The following MYT1L variants were observed in gnomAD, a reference collection of about 807,000 sequenced individuals.
The protein encoded by MYT1L is myelin transcription factor 1-like protein.
A neutral mutation model predicts 126.7 loss-of-function variants in MYT1L; 12 were observed. The observed-to-expected ratio is 0.09, with a 90% CI of 0.06 to 0.15. The LOEUF (loss-of-function observed/expected upper bound fraction) is 0.15. Ranked by LOEUF, MYT1L falls within the 10% of genes least tolerant of loss-of-function variation. MYT1L has a pLI of 1.00. For synonymous variants in MYT1L, 541 were observed against 604.2 expected (o/e 0.90, Z 1.53); for missense variants, 979 against 1,585.2 (o/e 0.62, Z 6.49).
At position 1,961,429 on chromosome 2, in the gene MYT1L, G is replaced by A. The variant is rs532398973; in HGVS notation, c.152+17736C>T. Among the ~76,000 whole-genome samples the A allele has an allele frequency of 1.3e-5, 2 of 152,326 alleles. 1 individual carries two copies. The highest frequency in any genetic ancestry group is 3.9e-4 in the East Asian group (2 of 5,186). On this transcript the variant is annotated intron_variant, in intron 8 of 24. Transcript: ENST00000647738. The stretch of plus-strand genomic sequence containing the variant: ...CATGCAAGATCACCTGTGCCACAGT[G>A]AGCTGTATCTGTCCCTGGTTAGCCT...
At chr2:1,940,327 C>T (rs1009266158) in intron 9 of MYT1L, among the ~76,000 whole-genome samples, 17 of 149,602 alleles carry the variant, frequency 1.1e-4, no homozygotes, top group Non-Finnish European at 1.8e-4. Flanking sequence ...ACTGGGTGCA[C>T]CTGTCTCACA....
At chr2:2,250,161 C>T (rs571591556) in intron 2 of MYT1L, among the ~76,000 whole-genome samples, 17 of 152,184 alleles carry the variant, frequency 1.1e-4, no homozygotes, top group African/African-American at 3.4e-4. Flanking sequence ...TTCAGCACTC[C>T]CATTGCTAGT....
intron 4 of MYT1L, among the ~76,000 whole-genome samples, chr2:2,024,321 AC>A (rs1376812483): frequency 6.6e-6 from 1 of 152,232 alleles, no homozygotes; most frequent in Non-Finnish European, 1.5e-5. Flanking sequence ...AATTAAAAAA[AC>A]AAACAAAATA....
chr2:2,065,655 T>G (rs1332939300), intron 3 of MYT1L, among the ~76,000 whole-genome samples: 1 of 152,208 alleles, frequency 6.6e-6, no homozygotes, highest in African/African-American at 2.4e-5. Context: ...TTCCTTGCAA[T>G]GAGTTCGCAC....
chr2:2,202,189 C>T (rs1267808742), intron 2 of MYT1L, among the ~76,000 whole-genome samples: 5 of 151,888 alleles, frequency 3.3e-5, no homozygotes, highest in Admixed American at 6.6e-5. Context: ...AAAATTGACA[C>T]CCTAACATCA....
At chr2:1,850,698 C>T (rs1304177181) in intron 19 of MYT1L, among the ~76,000 whole-genome samples, 4 of 152,156 alleles carry the variant, frequency 2.6e-5, no homozygotes, top group Non-Finnish European at 4.4e-5. Context: ...AACAATTCCC[C>T]ACCATCAGTG....
chr2:2,217,685 C>CAAAAA (rs1167910803), intron 2 of MYT1L, among the ~76,000 whole-genome samples: 2 of 79,660 alleles, frequency 2.5e-5, no homozygotes, highest in Non-Finnish European at 4.9e-5. Context: ...ACAACAACAA[C>CAAAAA]AACAACAACA....
chr2:1,853,527 C>A (rs984870750), intron 18 of MYT1L, among the ~76,000 whole-genome samples: 5 of 152,164 alleles, frequency 3.3e-5, no homozygotes, highest in African/African-American at 1.2e-4. Context: ...AACTCCAAAC[C>A]CATATGCTTA....
At chr2:2,000,228 G>A (rs1347030854) in intron 4 of MYT1L, among the ~76,000 whole-genome samples, 3 of 151,518 alleles carry the variant, frequency 2.0e-5, no homozygotes, top group African/African-American at 4.9e-5. Context: ...GCAGGGGTTC[G>A]AGTCCGTCCT....
intron 1 of MYT1L, among the ~76,000 whole-genome samples, chr2:2,289,530 G>C (rs1436991189): frequency 6.6e-6 from 1 of 152,162 alleles, no homozygotes; most frequent in East Asian, 1.9e-4. Flanking sequence ...ACAGCCTCTA[G>C]TAACAATAAT....
chr2:2,139,544 C>T (rs2083621239), intron 3 of MYT1L, among the ~76,000 whole-genome samples: 1 of 151,996 alleles, frequency 6.6e-6, no homozygotes, highest in South Asian at 2.1e-4. Context: ...GAGGCTGAGG[C>T]AGGAGAATCA....
chr2:1,910,440 G>A lies in MYT1L; in HGVS notation c.1710-93C>T. On this transcript the variant is annotated intron_variant, in intron 12 of 24. Coordinates refer to ENST00000647738, the MANE Select transcript of MYT1L (RefSeq NM_001303052.2). This position sits in a 1 kb window ranked among gnomAD's most constrained non-coding sequence, Gnocchi z 4.8. ...TAGCACCAAGACCCTGATGCAGGTG[G>A]AGCTGGTGAGGGAGGGGTAGTTTCC... The A allele has an allele frequency of 8.4e-7, 1 of 1,184,276 alleles. No individual in the cohort carries two copies. Among genetic ancestry groups the A allele is most frequent in the Non-Finnish European group, 1.2e-6 (1 of 821,538 alleles). The allele number at this position is 1,184,276 out of a possible 1,614,324, so 73.4% of individuals were successfully genotyped here.
chr2:1,894,618 T>TAA (rs61173698), intron 14 of MYT1L, among the ~76,000 whole-genome samples: 2 of 151,058 alleles, frequency 1.3e-5, no homozygotes, highest in Admixed American at 6.6e-5. Context: ...CCACATAAAT[T>TAA]AAAAAAAATA....
intron 9 of MYT1L, among the ~76,000 whole-genome samples, chr2:1,932,633 A>G (rs2055165866): frequency 6.6e-6 from 1 of 152,150 alleles, no homozygotes; most frequent in Non-Finnish European, 1.5e-5. Context: ...AGCAAAATCA[A>G]AAGACAACGG....
intron 2 of MYT1L, among the ~76,000 whole-genome samples, chr2:2,282,559 A>G (rs1197619058): frequency 6.6e-6 from 1 of 152,210 alleles, no homozygotes. Context: ...CAAAATGTAT[A>G]TAGTCTTGAG....
chr2:2,054,574 C>T (rs541893706), intron 3 of MYT1L, among the ~76,000 whole-genome samples: 14 of 150,572 alleles, frequency 9.3e-5, no homozygotes, highest in South Asian at 4.3e-4. Context: ...ATGAAACACA[C>T]GGAGATGAGA....
intron 2 of MYT1L, among the ~76,000 whole-genome samples, chr2:2,227,223 T>G (rs913900712): frequency 6.6e-6 from 1 of 152,170 alleles, no homozygotes; most frequent in Admixed American, 6.5e-5. Context: ...CATTCTTTGT[T>G]GATATCATCT....
intron 1 of MYT1L, among the ~76,000 whole-genome samples, chr2:2,295,681 C>CAGAGAGAGAGAGAGAGAG (rs2095671973): frequency 2.3e-5 from 1 of 43,292 alleles, no homozygotes; most frequent in Admixed American, 2.1e-4. Context: ...GAGAGAGAGA[C>CAGAGAGAGAGAGAGAGAG]AGACAGAGAG....
At chr2:2,265,958 A>G (rs2095118167) in intron 2 of MYT1L, among the ~76,000 whole-genome samples, 1 of 152,142 alleles carries the variant, frequency 6.6e-6, no homozygotes, top group Non-Finnish European at 1.5e-5. Flanking sequence ...GCTAAGCAGG[A>G]CTGGAGGTGG....
Sources: allele counts gnomAD v4.1 joint callset (sites outside exome capture counted in the v4.1 genomes callset), GRCh38; gene constraint gnomAD v4.1.1; non-coding constraint Gnocchi (gnomAD v3.1); transcripts MANE v1.5; gene names NCBI Gene and HGNC (gene_info 2026-07-23, HGNC 2026-07-21).